GLRA2: variants seen among roughly 807,000 people sequenced by gnomAD.
GLRA2 encodes glycine receptor alpha 2, also known as glycine receptor subunit alpha-2.
A neutral mutation model predicts 31.6 loss-of-function variants in GLRA2; 11 were observed. The ratio of observed to expected loss-of-function variants is 0.35; its 90% CI spans 0.22 to 0.58. The LOEUF is 0.58. GLRA2 is among the 20% of genes least tolerant of loss of function. The pLI is 0.84. For synonymous variants in GLRA2, 132 were observed against 134.0 expected, an observed-to-expected ratio of 0.99 and a Z score of 0.10; for missense variants, 212 against 351.8, an observed-to-expected ratio of 0.60 and a Z score of 3.18.
chrX:14,495,425 G>T, the GLRA2 span, among the ~76,000 whole-genome samples: 1 of 110,034 alleles, frequency 9.1e-6, no homozygotes, highest in Admixed American at 9.8e-5. Flanking sequence ...GTCGATATAG[G>T]GTTCTACTCT....
chrX:14,542,358 A>C (rs1449391993), intron 2 of GLRA2, among the ~76,000 whole-genome samples: 1 of 112,214 alleles, frequency 8.9e-6, no homozygotes, highest in East Asian at 2.8e-4. Context: ...CTTAACATTT[A>C]AATGTCTTAC....
chrX:14,710,184 T>C (rs185247408), intron 8 of GLRA2, among the ~76,000 whole-genome samples: 3 of 112,087 alleles, frequency 2.7e-5, no homozygotes, highest in East Asian at 5.6e-4. Flanking sequence ...ATCCTAGTGA[T>C]TGAGTTCTCA....
At chrX:14,486,966 G>A in the GLRA2 span, among the ~76,000 whole-genome samples, 34 of 110,782 alleles carry the variant, frequency 3.1e-4, no homozygotes, top group Admixed American at 4.8e-4. Context: ...TTTGGGGGTG[G>A]GGTGGCATAT....
At chrX:14,685,788 A>T (rs2091269944) in intron 7 of GLRA2, among the ~76,000 whole-genome samples, 1 of 111,576 alleles carries the variant, frequency 9.0e-6, no homozygotes, top group African/African-American at 3.3e-5. Context: ...GATTTTTTGA[A>T]GGGTTTTTTG....
Position 14,717,740 on chromosome X carries a change from TAA to T in GLRA2, c.1081-12451_1081-12450del, listed in dbSNP as rs199836154. ...GCAACTGGAAGATCCTTCTGTAAAGTAAAAAAAAAAAAAAAAACCCATCGGTC... is the reference window on the plus strand; with the variant it reads ...GCAACTGGAAGATCCTTCTGTAAAGTAAAAAAAAAAAAAAACCCATCGGTC... On this transcript the variant is annotated intron_variant, in intron 8 of 8. Transcript: ENST00000218075. Among the ~76,000 whole-genome samples the T allele has an allele frequency of 1.8e-3, 138 of 78,279 alleles. 2 individuals are homozygous for T. In the East Asian group the frequency reaches 0.03, roughly 17 times the overall value. 68.0% of individuals were successfully genotyped at this position (78,279 alleles called of 115,157 possible).
chrX:14,705,462 C>A (rs1255192284), intron 8 of GLRA2, among the ~76,000 whole-genome samples: 1 of 111,638 alleles, frequency 9.0e-6, no homozygotes, highest in African/African-American at 3.3e-5. Context: ...CAGGATGGTG[C>A]CCATAGCAAA....
chrX:14,675,000 T>C (rs1480447800), intron 7 of GLRA2, among the ~76,000 whole-genome samples: 3 of 112,173 alleles, frequency 2.7e-5, no homozygotes, highest in African/African-American at 9.7e-5. Flanking sequence ...CATACATCAC[T>C]TGTTTTGTCA....
At chrX:14,502,265 C>T in the GLRA2 span, among the ~76,000 whole-genome samples, 1 of 111,799 alleles carries the variant, frequency 8.9e-6, no homozygotes, top group Non-Finnish European at 1.9e-5. Context: ...GTATTTGCCT[C>T]ACAGAACTGT....
intron 7 of GLRA2, among the ~76,000 whole-genome samples, chrX:14,671,068 T>A (rs1056199345): frequency 9.8e-5 from 11 of 111,981 alleles, no homozygotes; most frequent in Admixed American, 8.6e-4. Flanking sequence ...AGGGAAGTGA[T>A]AGGTGTTAAA....
At chrX:14,521,668 T>C in the GLRA2 span, among the ~76,000 whole-genome samples, 1 of 111,324 alleles carries the variant, frequency 9.0e-6, no homozygotes, top group Non-Finnish European at 1.9e-5. Context: ...CATATATCTA[T>C]ACAGGCATAC....
intron 8 of GLRA2, among the ~76,000 whole-genome samples, chrX:14,700,614 C>G (rs2091526242): frequency 9.0e-6 from 1 of 111,601 alleles, no homozygotes; most frequent in African/African-American, 3.3e-5. Context: ...ACATTGGTAA[C>G]CTCAACAACA....
chrX:14,649,644 T>A (rs2090868756), intron 7 of GLRA2, among the ~76,000 whole-genome samples: 1 of 111,861 alleles, frequency 8.9e-6, no homozygotes, highest in Admixed American at 9.5e-5. Context: ...GTATTTTTAA[T>A]GTTGAGAGAT....
chrX:14,548,744 C>T (rs758306780), intron 2 of GLRA2, among the ~76,000 whole-genome samples: 19 of 111,822 alleles, frequency 1.7e-4, no homozygotes, highest in Non-Finnish European at 3.0e-4. Flanking sequence ...GTAAATAAAA[C>T]CAAAGGCGCA....
chrX:14,592,263 G>T (rs2090153052), intron 4 of GLRA2, among the ~76,000 whole-genome samples: 1 of 111,583 alleles, frequency 9.0e-6, no homozygotes, highest in Non-Finnish European at 1.9e-5. Flanking sequence ...TAAACTACTT[G>T]GATCTTTGAA....
chrX:14,517,243 T>C, the GLRA2 span, among the ~76,000 whole-genome samples: 1 of 112,416 alleles, frequency 8.9e-6, no homozygotes, highest in East Asian at 2.8e-4. Flanking sequence ...TATGAGTATA[T>C]GAAGATAGAT....
At chrX:14,640,141 AT>A (rs1335955673) in intron 7 of GLRA2, among the ~76,000 whole-genome samples, 1 of 110,915 alleles carries the variant, frequency 9.0e-6, no homozygotes, top group Non-Finnish European at 1.9e-5. Flanking sequence ...TTCCTTAAGG[AT>A]TTGTGTTTAT....
At chrX:14,568,178 T>G (rs1329005119) in intron 2 of GLRA2, among the ~76,000 whole-genome samples, 1 of 111,958 alleles carries the variant, frequency 8.9e-6, no homozygotes, top group Non-Finnish European at 1.9e-5. Context: ...AAAATAACCT[T>G]GAAAATGAAG....
chrX:14,492,293 C>T, the GLRA2 span, among the ~76,000 whole-genome samples: 2 of 111,043 alleles, frequency 1.8e-5, no homozygotes, highest in Non-Finnish European at 3.8e-5. Context: ...CCTTGAGTGT[C>T]ACTGAGATGC....
upstream of GLRA2, among the ~76,000 whole-genome samples, chrX:14,524,766 G>GTT (rs1280589599): frequency 1.8e-5 from 2 of 110,288 alleles, no homozygotes; most frequent in African/African-American, 6.6e-5. Context: ...GTGTGTGTGT[G>GTT]TATCTTAATA....
Sources: gnomAD v4.1 joint callset for allele counts (sites outside exome capture counted in the v4.1 genomes callset) on GRCh38, gnomAD v4.1.1 for gene constraint, MANE v1.5 for transcripts, NCBI Gene and HGNC (gene_info 2026-07-23, HGNC 2026-07-21) for gene names.